Variants in PTPN5 observed in about 807,000 individuals in gnomAD.
PTPN5 encodes protein tyrosine phosphatase non-receptor type 5, also known as tyrosine-protein phosphatase non-receptor type 5.
In PTPN5, 29 loss-of-function variants were observed where a neutral mutation model predicts 73.9. The ratio of observed to expected loss-of-function variants is 0.39; its 90% CI spans 0.29 to 0.54. PTPN5 has a LOEUF of 0.54. PTPN5 is among the 20% of genes least tolerant of loss of function. The probability of loss-of-function intolerance (pLI) is 0.65; values close to 1 mark genes in which losing one functional copy is unlikely to be tolerated. For missense variants in PTPN5, 652 were observed against 751.4 expected (o/e 0.87, Z 1.55); for synonymous variants, 267 against 304.7 (o/e 0.88, Z 1.29).
At chr11:18,787,015 C>T (rs1202098118) in intron 1 of PTPN5, among the ~76,000 whole-genome samples, 1 of 151,956 alleles carries the variant, frequency 6.6e-6, no homozygotes, top group East Asian at 1.9e-4. Context: ...TATATTTGTG[C>T]GGGGAGGAGG....
rs78584610 is a variant in PTPN5 at position 18,766,012 on chromosome 11, G to A, written c.21-129C>T. The A allele has an allele frequency of 9.9e-3, 7,219 of 727,910 alleles. 364 individuals carry two copies. The African/African-American group carries it at 0.11, about 11-fold the overall frequency. The allele number at this position is 727,910 out of a possible 1,614,324, so 45.1% of individuals were successfully genotyped here. A position where few individuals can be genotyped will look rare whatever the true frequency, so the allele number is the denominator to read the frequency against. On this transcript the variant is annotated intron_variant, in intron 2 of 14. Transcript: ENST00000358540. ...TTGAATAACCCCACCCCATCAAAGG[G>A]ACCTGAGGAAAATACCAGCCTGTTG...
At position 18,762,883 on chromosome 11, in the gene PTPN5, C is replaced by T. The variant is rs148376764; in HGVS notation, c.97+2924G>A. 3.0e-4 allele frequency among the ~76,000 whole-genome samples: 46 copies of T among 152,344 alleles called. No homozygotes were observed. In the East Asian group the frequency reaches 8.1e-3, roughly 27 times the overall value. ...TGAGGTCCAGAGTCCCTGTTCTTGA[C>T]TAGCACATAATACTGTCCTGGGAGG... On this transcript the variant is annotated intron_variant, in intron 3 of 14. Coordinates refer to ENST00000358540, the MANE Select transcript of PTPN5 (RefSeq NM_006906.2).
At chr11:18,768,248 A>C (rs1177527642) in intron 2 of PTPN5, among the ~76,000 whole-genome samples, 2 of 152,220 alleles carry the variant, frequency 1.3e-5, no homozygotes, top group African/African-American at 2.4e-5. Flanking sequence ...TCTCCTCCAC[A>C]GCTGTTGTCC....
At chr11:18,762,871 C>T (rs867970810) in intron 3 of PTPN5, among the ~76,000 whole-genome samples, 3 of 152,286 alleles carry the variant, frequency 2.0e-5, no homozygotes, top group Middle Eastern at 3.4e-3. Context: ...GGTCCAGAGT[C>T]CCTGTTCTTG....
intron 2 of PTPN5, among the ~76,000 whole-genome samples, chr11:18,770,147 T>C (rs529568557): frequency 6.6e-6 from 1 of 152,350 alleles, no homozygotes; most frequent in African/African-American, 2.4e-5. Flanking sequence ...AAAATTCCCA[T>C]AGCATAAAAT....
chr11:18,779,553 T>C (rs1851325779), intron 1 of PTPN5, among the ~76,000 whole-genome samples: 2 of 152,138 alleles, frequency 1.3e-5, no homozygotes, highest in Admixed American at 1.3e-4. Flanking sequence ...TATCTCACTC[T>C]GCAGGAGCTA....
chr11:18,784,411 T>C (rs1283026623), intron 1 of PTPN5, among the ~76,000 whole-genome samples: 1 of 151,334 alleles, frequency 6.6e-6, no homozygotes, highest in African/African-American at 2.4e-5. Flanking sequence ...AAGACAAACA[T>C]GATGCCACTT....
Position 18,790,454 on chromosome 11 carries a change from G to A in PTPN5, c.-114+1071C>T, listed in dbSNP as rs58926313. 7.9e-3 allele frequency among the ~76,000 whole-genome samples: 1,198 copies of A among 152,270 alleles called. 15 individuals are homozygous for A. The highest frequency in any genetic ancestry group is 0.027 in the African/African-American group (1,127 of 41,554). ...GGACACTCAGGCTCAGTGTGTCCTGGGTGGATCAGGACTAACGCCTGGGAA... is the reference window on the plus strand; with the variant it reads ...GGACACTCAGGCTCAGTGTGTCCTGAGTGGATCAGGACTAACGCCTGGGAA... On this transcript the variant is annotated intron_variant, in intron 1 of 14. Transcript: ENST00000358540.
intron 3 of PTPN5, among the ~76,000 whole-genome samples, chr11:18,751,916 C>T (rs893745307): frequency 6.6e-6 from 1 of 152,240 alleles, no homozygotes; most frequent in Non-Finnish European, 1.5e-5. Context: ...TGATGTTATA[C>T]GACTGTAAGG....
chr11:18,791,476 C>T (rs916109189), intron 1 of PTPN5, 49 bp downstream of exon 1: 3 of 152,156 alleles, frequency 2.0e-5, no homozygotes, highest in Non-Finnish European at 4.4e-5. Context: ...CCGCGCCCTC[C>T]ACCTTCCGGC....
chr11:18,765,749 CG>C, intron 3 of PTPN5, 57 bp downstream of exon 3: 1 of 1,194,654 alleles, frequency 8.4e-7, no homozygotes, highest in South Asian at 1.3e-5. Context: ...CAGCTTCAGC[CG>C]GGGCATTGTC....
intron 3 of PTPN5, among the ~76,000 whole-genome samples, chr11:18,747,982 T>C (rs1240979259): frequency 6.6e-6 from 1 of 152,154 alleles, no homozygotes; most frequent in African/African-American, 2.4e-5. Context: ...AGATTAGAGG[T>C]GATTTCATTT....
chr11:18,755,097 A>C (rs1373037559), intron 3 of PTPN5, among the ~76,000 whole-genome samples: 4 of 152,198 alleles, frequency 2.6e-5, no homozygotes, highest in African/African-American at 7.2e-5. Context: ...TCTCTCTTGG[A>C]TCACTCACTC....
intron 3 of PTPN5, among the ~76,000 whole-genome samples, chr11:18,747,709 G>A (rs1364703034): frequency 6.6e-6 from 1 of 151,994 alleles, no homozygotes; most frequent in Non-Finnish European, 1.5e-5. Flanking sequence ...TGATAACATG[G>A]GAAAAAATTT....
Position 18,733,337 on chromosome 11 carries a change from A to G in PTPN5, c.1116T>C (p.Thr372=), listed in dbSNP as rs2134193876. 6.2e-7 allele frequency: 1 copy of G among 1,614,092 alleles called. No homozygotes were observed. The highest frequency in any genetic ancestry group is 8.5e-7 in the Non-Finnish European group (1 of 1,180,000). Residue 372 remains threonine (T), a synonymous_variant, in exon 11 of 15, where the codon ACT becomes ACC. Transcript: ENST00000358540. This position sits in a 1 kb window ranked among gnomAD's most constrained non-coding sequence, Gnocchi z 4.3. ...YGGEEKVYIA[T]QGPIVSTVAD... ...CGACCGTGCTGACGATGGGTCCCTG[A>G]GTGGCGATGTACACCTTCTCCTCCC...
chr11:18,786,348 G>A (rs543949092), intron 1 of PTPN5, among the ~76,000 whole-genome samples: 14 of 152,168 alleles, frequency 9.2e-5, no homozygotes, highest in African/African-American at 2.9e-4. Context: ...GACTACAGGC[G>A]CCTGCCACGG....
At position 18,742,481 on chromosome 11, in the gene PTPN5, G is replaced by T; in HGVS notation, c.506C>A (p.Pro169His). The change falls in exon 7 of 15, where the codon CCC (proline) becomes CAC (histidine). Residue 169 changes from proline to histidine, a missense_variant. Pro to His is a moderately conservative substitution (Grantham distance 77). Coordinates refer to ENST00000358540, the MANE Select transcript of PTPN5 (RefSeq NM_006906.2). The surrounding 1 kb of genome is among the most constrained non-coding windows in gnomAD (Gnocchi z 4.1). ...GGGCAGTGGGGTGGGTGGCTCTGGG[G>T]GTGTCCTCAGGAGGTGCCACACCTG... ...TTLVWHLLRT[P>H]PEPPTPLPPE... is the part of the protein sequence containing the mutation. 6.2e-7 allele frequency: 1 copy of T among 1,613,666 alleles called. No homozygotes were observed. The highest frequency in any genetic ancestry group is 8.5e-7 in the Non-Finnish European group (1 of 1,179,990).
At chr11:18,780,209 TCCCAGCAGAACCTCCTCTG>T (rs1851355307) in intron 1 of PTPN5, among the ~76,000 whole-genome samples, 1 of 152,168 alleles carries the variant, frequency 6.6e-6, no homozygotes, top group African/African-American at 2.4e-5. Flanking sequence ...AGAGGGGTCT[TCCCAGCAGAACCTCCTCTG>T]CCCTCTGGAG....
intron 1 of PTPN5, among the ~76,000 whole-genome samples, chr11:18,780,496 C>A (rs777970921): frequency 6.6e-6 from 1 of 152,136 alleles, no homozygotes; most frequent in African/African-American, 2.4e-5. Context: ...AACCCTTCTG[C>A]ACTCAGGCCT....
Sources: gnomAD v4.1 joint callset for allele counts (sites outside exome capture counted in the v4.1 genomes callset) on GRCh38, gnomAD v4.1.1 for gene constraint, Gnocchi (gnomAD v3.1) non-coding constraint, MANE v1.5 for transcripts, NCBI Gene and HGNC (gene_info 2026-07-23, HGNC 2026-07-21) for gene names.